CLIC5: variants seen among roughly 807,000 people sequenced by gnomAD.
The protein encoded by CLIC5 is CLIC family member 5.
A neutral mutation model predicts 24.7 loss-of-function variants in CLIC5; 20 were observed. That is an observed-to-expected ratio of 0.81 (90% CI 0.57 to 1.18). The LOEUF (loss-of-function observed/expected upper bound fraction) is 1.18, where lower values mean the gene tolerates loss of function less well. Ranked by LOEUF, CLIC5 falls within the 50% of genes most tolerant of loss-of-function variation. The probability of loss-of-function intolerance (pLI) is 0.00; values close to 1 mark genes in which losing one functional copy is unlikely to be tolerated. For missense variants in CLIC5, 341 were observed against 326.1 expected (o/e 1.05, Z -0.35); for synonymous variants, 159 against 135.6 (o/e 1.17, Z -1.20).
intron 2 of CLIC5, among the ~76,000 whole-genome samples, chr6:45,953,988 G>T (rs902541500): frequency 3.9e-5 from 6 of 152,042 alleles, no homozygotes. Flanking sequence ...GAAAATAGAA[G>T]AAAAAGACCA....
At chr6:46,040,414 G>A (rs1767774488) in intron 1 of CLIC5, among the ~76,000 whole-genome samples, 1 of 152,164 alleles carries the variant, frequency 6.6e-6, no homozygotes, top group South Asian at 2.1e-4. Flanking sequence ...ACAGATAGTA[G>A]TACAGGTGGT....
chr6:46,041,459 C>T (rs1767805574), intron 1 of CLIC5, among the ~76,000 whole-genome samples: 2 of 152,176 alleles, frequency 1.3e-5, no homozygotes, highest in South Asian at 4.1e-4. Context: ...GGCCACCTCC[C>T]CACTCCTTTC....
the CLIC5 span, among the ~76,000 whole-genome samples, chr6:46,126,983 A>T: frequency 6.6e-6 from 1 of 152,230 alleles, no homozygotes; most frequent in Non-Finnish European, 1.5e-5. Flanking sequence ...TAATGAATAA[A>T]TGTTCAGTCT....
At chr6:45,934,964 G>A (rs563477798) in intron 4 of CLIC5, among the ~76,000 whole-genome samples, 4 of 152,208 alleles carry the variant, frequency 2.6e-5, no homozygotes, top group Non-Finnish European at 5.9e-5. Context: ...GACAGAACAT[G>A]AAATAAATCA....
rs539058560 is a variant in CLIC5 at position 45,932,528 on chromosome 6, C to T, written c.406+9019G>A. Among the ~76,000 whole-genome samples, 17 of 152,208 alleles carry T rather than the reference C, an allele frequency of 1.1e-4. No homozygotes were observed. The South Asian group carries it at 1.7e-3, about 15-fold the overall frequency. Reference sequence around the variant, plus strand: ...GTCTTAAGATCTTATTAAAAGGGAGCGAAGGGAAGGAAGCACTGTGACCCC... The same window carrying T: ...GTCTTAAGATCTTATTAAAAGGGAGTGAAGGGAAGGAAGCACTGTGACCCC... On this transcript the variant is annotated intron_variant, in intron 4 of 5. Transcript: ENST00000339561.
chr6:45,975,215 G>A (rs1441003312), intron 1 of CLIC5, among the ~76,000 whole-genome samples: 1 of 152,136 alleles, frequency 6.6e-6, no homozygotes, highest in Non-Finnish European at 1.5e-5. Flanking sequence ...TAGCTTTGGT[G>A]AGGCACACTC....
intron 4 of CLIC5, among the ~76,000 whole-genome samples, chr6:45,929,890 T>A (rs1763660048): frequency 6.6e-6 from 1 of 152,182 alleles, no homozygotes; most frequent in Admixed American, 6.5e-5. Flanking sequence ...AGCTTTCTCA[T>A]CAGGCCTGTG....
At chr6:45,912,840 GC>G in intron 5 of CLIC5, 3 of 799,976 alleles carry the variant, frequency 3.8e-6, no homozygotes, top group Non-Finnish European at 6.2e-6. Flanking sequence ...TATTGGCTTG[GC>G]CCCAAATCCA....
intron 3 of CLIC5, 36 bp downstream of exon 3, chr6:45,949,220 C>A: frequency 6.2e-7 from 1 of 1,601,526 alleles, no homozygotes; most frequent in Non-Finnish European, 8.5e-7. Context: ...ATGAACCCTT[C>A]CCATTCAACA....
At chr6:45,912,068 C>T (rs1196160555) in intron 5 of CLIC5, 11 of 985,784 alleles carry the variant, frequency 1.1e-5, no homozygotes, top group African/African-American at 7.0e-5. Flanking sequence ...ATCTGACGTT[C>T]GCAGGGACTT....
At position 45,977,825 on chromosome 6, in the gene CLIC5, G is replaced by T. The variant is rs78648541; in HGVS notation, c.64-22581C>A. Among the ~76,000 whole-genome samples, 1,417 of 152,316 alleles carry T rather than the reference G, an allele frequency of 9.3e-3. 21 individuals are homozygous for T. Among genetic ancestry groups the T allele is most frequent in the African/African-American group, 0.032 (1,350 of 41,566 alleles). ...TTCAGACTACTTCTATTAGAATTATGTTGTGTATAGTTCATTTCATTCATT... is the reference window on the plus strand; with the variant it reads ...TTCAGACTACTTCTATTAGAATTATTTTGTGTATAGTTCATTTCATTCATT... On this transcript the variant is annotated intron_variant, in intron 1 of 5. Transcript: ENST00000339561.
chr6:46,062,296 C>T (rs750282767), intron 1 of CLIC5, among the ~76,000 whole-genome samples: 9 of 152,182 alleles, frequency 5.9e-5, no homozygotes, highest in Non-Finnish European at 8.8e-5. Context: ...AAAAAAAATG[C>T]ACTTGTGGTT....
At chr6:45,970,576 A>C (rs1765167442) in intron 1 of CLIC5, among the ~76,000 whole-genome samples, 1 of 152,200 alleles carries the variant, frequency 6.6e-6, no homozygotes, top group Non-Finnish European at 1.5e-5. Flanking sequence ...CACACACACA[A>C]TAGTCCAGGC....
chr6:46,059,994 T>C (rs569023311), intron 1 of CLIC5, among the ~76,000 whole-genome samples: 204 of 152,312 alleles, frequency 1.3e-3, no homozygotes, highest in African/African-American at 4.6e-3. Context: ...TTTTTGTATA[T>C]GGTGAGAGAT....
chr6:45,916,733 C>T (rs371425989), intron 4 of CLIC5, among the ~76,000 whole-genome samples: 11 of 152,170 alleles, frequency 7.2e-5, no homozygotes, highest in Non-Finnish European at 1.3e-4. Flanking sequence ...TATATCCCTC[C>T]GGTAATTCCT....
chr6:46,002,532 C>T (rs1766400454), intron 1 of CLIC5, among the ~76,000 whole-genome samples: 2 of 152,174 alleles, frequency 1.3e-5, no homozygotes, highest in African/African-American at 2.4e-5. Context: ...TACTCCTGGT[C>T]TCTCTTACCC....
chr6:46,053,262 A>G (rs1768154325), intron 1 of CLIC5, among the ~76,000 whole-genome samples: 1 of 152,158 alleles, frequency 6.6e-6, no homozygotes, highest in Admixed American at 6.5e-5. Context: ...CTGCCCCTGG[A>G]GCTGGGTGAC....
chr6:45,996,261 A>G (rs888885578), intron 1 of CLIC5, among the ~76,000 whole-genome samples: 7 of 152,214 alleles, frequency 4.6e-5, no homozygotes, highest in African/African-American at 1.7e-4. Context: ...TTGTCAGATG[A>G]GTAGGTTGCA....
chr6:46,096,033 G>A, the CLIC5 span, among the ~76,000 whole-genome samples: 1 of 152,236 alleles, frequency 6.6e-6, no homozygotes, highest in African/African-American at 2.4e-5. Context: ...GAAGCATGGT[G>A]GCATCTACTT....
Sources: allele counts gnomAD v4.1 joint callset (sites outside exome capture counted in the v4.1 genomes callset), GRCh38; gene constraint gnomAD v4.1.1; transcripts MANE v1.5; gene names NCBI Gene and HGNC (gene_info 2026-07-23, HGNC 2026-07-21).